Variants in NRL observed in about 807,000 individuals in gnomAD.
NRL encodes the protein neural retina-specific leucine zipper protein.
In NRL, 16 loss-of-function variants were observed where a neutral mutation model predicts 12.5. That is an observed-to-expected ratio of 1.28 (90% CI 0.87 to 1.95). The LOEUF is 1.95. NRL is among the 30% of genes most tolerant of loss of function. The probability of loss-of-function intolerance (pLI) is 0.00; values close to 1 mark genes in which losing one functional copy is unlikely to be tolerated. For missense variants in NRL, 314 were observed against 325.8 expected (o/e 0.96, Z 0.28); for synonymous variants, 142 against 150.9 (o/e 0.94, Z 0.43).
In NRL at chr14:24,111,736, G is replaced by A. The variant is rs547161593; in HGVS notation, c.-28+2986C>T. ...GCTTATCAGCTTAAGGAGATTTTGGGCTGAGACGATGGGGTTTTCTAGATA... is the reference window on the plus strand; with the variant it reads ...GCTTATCAGCTTAAGGAGATTTTGGACTGAGACGATGGGGTTTTCTAGATA... On this transcript the variant is annotated intron_variant, in intron 1 of 2. Coordinates refer to ENST00000561028, the MANE Select transcript of NRL (RefSeq NM_001354768.3). Among the ~76,000 whole-genome samples, 4 of 151,746 alleles carry A rather than the reference G, an allele frequency of 2.6e-5. No homozygotes were observed. In the East Asian group the frequency reaches 7.7e-4, roughly 29 times the overall value.
chr14:24,089,691 T>A (rs1379357060), intron 1 of NRL, among the ~76,000 whole-genome samples: 1 of 152,204 alleles, frequency 6.6e-6, no homozygotes, highest in Non-Finnish European at 1.5e-5. Flanking sequence ...CAGGGTGCTA[T>A]GAAATTTTCT....
At chr14:24,104,109 G>T in intron 1 of NRL, 2 of 626,854 alleles carry the variant, frequency 3.2e-6, no homozygotes, top group South Asian at 3.9e-5. Flanking sequence ...AATAATAAGA[G>T]ATGCTTATCT....
Position 24,081,372 on chromosome 14 carries a change from C to A in NRL, c.578G>T (p.Arg193Leu). The change falls in exon 3 of 3, where the codon CGC becomes CTC. Residue 193 changes from arginine (R) to leucine (L), a missense_variant. By Grantham distance (102) the Arg-to-Leu change is moderately radical. Transcript: ENST00000561028. The surrounding 1 kb of genome is among the most constrained non-coding windows in gnomAD (Gnocchi z 4.4). ...QRRGLEAERA[R>L]LAAQLDALRA... ...CAGCGCGTCCAGCTGGGCGGCCAGG[C>A]GGGCGCGCTCGGCCTCCAGCCCGCG... 7.0e-7 allele frequency: 1 copy of A among 1,429,400 alleles called. No individual in the cohort carries two copies. Among genetic ancestry groups the A allele is most frequent in the South Asian group, 1.5e-5 (1 of 66,330 alleles). 88.5% of individuals were successfully genotyped at this position (1,429,400 alleles called of 1,614,324 possible). A position where few individuals can be genotyped will look rare whatever the true frequency, so the allele number is the denominator to read the frequency against.
At position 24,099,590 on chromosome 14, in the gene NRL, G is replaced by A. The variant is rs149414275; in HGVS notation, c.-28+15132C>T. ...GCATCACCAGCCCTGCAGGGAAGAA[G>A]CGCTATGTGGCAGCCGCCTTCCCTA... On this transcript the variant is annotated intron_variant, in intron 1 of 2. Coordinates refer to ENST00000561028, the MANE Select transcript of NRL (RefSeq NM_001354768.3). 3.3e-4 allele frequency: 538 copies of A among 1,609,340 alleles called. 2 individuals carry two copies. The African/African-American group carries it at 6.4e-3, about 19-fold the overall frequency.
At chr14:24,096,850 T>G in intron 1 of NRL, 2 of 1,584,530 alleles carry the variant, frequency 1.3e-6, no homozygotes, top group Non-Finnish European at 1.7e-6. Context: ...TTGTCCACTC[T>G]CGATGACAGC....
At chr14:24,101,281 G>C (rs908629145) in intron 1 of NRL, among the ~76,000 whole-genome samples, 3 of 152,212 alleles carry the variant, frequency 2.0e-5, no homozygotes, top group African/African-American at 4.8e-5. Flanking sequence ...TTAGGATTCT[G>C]CACTGGGTGC....
intron 1 of NRL, among the ~76,000 whole-genome samples, chr14:24,083,166 C>T (rs113773764): frequency 3.9e-5 from 6 of 152,328 alleles, no homozygotes; most frequent in African/African-American, 1.4e-4. Context: ...AGCAGTATGG[C>T]AGTGCTCCCA....
intron 1 of NRL, among the ~76,000 whole-genome samples, chr14:24,113,329 G>GT (rs1374013807): frequency 1.4e-5 from 2 of 146,504 alleles, no homozygotes; most frequent in African/African-American, 5.2e-5. Context: ...GTATACATAT[G>GT]TAACTAACCT....
At chr14:24,108,461 C>T (rs574333609) in intron 1 of NRL, among the ~76,000 whole-genome samples, 1 of 151,892 alleles carries the variant, frequency 6.6e-6, no homozygotes, top group Non-Finnish European at 1.5e-5. Context: ...CCTCAGCCTC[C>T]CGAGTAGCTA....
At position 24,085,447 on chromosome 14, in the gene NRL, G is replaced by A. The variant is rs2036441756; in HGVS notation, c.-27-2572C>T. Among the ~76,000 whole-genome samples, 1 of 152,142 alleles carries A rather than the reference G, an allele frequency of 6.6e-6. No homozygotes were observed. Among genetic ancestry groups the A allele is most frequent in the Non-Finnish European group, 1.5e-5 (1 of 68,024 alleles). ...TCATTCTAGTTCCCAGATGGCTGAG[G>A]GGTGACCTACATTTTCAGCCTAATC... On this transcript the variant is annotated intron_variant, in intron 1 of 2. Transcript: ENST00000561028. The surrounding 1 kb of genome is among the most constrained non-coding windows in gnomAD (Gnocchi z 4.1).
At chr14:24,104,269 G>C (rs2037287885) in intron 1 of NRL, 1 of 375,424 alleles carries the variant, frequency 2.7e-6, no homozygotes, top group Non-Finnish European at 5.0e-6. Flanking sequence ...CTCTAGCACT[G>C]GGTCACAGAC....
chr14:24,100,075 A>G (rs948281414), intron 1 of NRL: 1 of 1,612,930 alleles, frequency 6.2e-7, no homozygotes, highest in East Asian at 2.2e-5. Flanking sequence ...TCCCAACGCC[A>G]TGGCTACAAT....
chr14:24,094,099 G>C lies in NRL; in HGVS notation c.-27-11224C>G. 1.9e-6 allele frequency: 1 copy of C among 534,310 alleles called. No homozygotes were observed. Among genetic ancestry groups the C allele is most frequent in the Non-Finnish European group, 3.3e-6 (1 of 305,166 alleles). 33.1% of individuals were successfully genotyped at this position (534,310 alleles called of 1,614,324 possible). A position where few individuals can be genotyped will look rare whatever the true frequency, so the allele number is the denominator to read the frequency against. On this transcript the variant is annotated intron_variant, in intron 1 of 2. Coordinates refer to ENST00000561028, the MANE Select transcript of NRL (RefSeq NM_001354768.3). This position sits in a 1 kb window ranked among gnomAD's most constrained non-coding sequence, Gnocchi z 4.1. ...GGGCGGGGCCTCGAAGTCGGGGGCC[G>C]AAGAGTGGACCCAGTCCTCCAATGG...
chr14:24,098,920 G>A, intron 1 of NRL: 1 of 773,502 alleles, frequency 1.3e-6, no homozygotes. Context: ...ATGAGGTGGG[G>A]GGCTTCAGCC....
intron 1 of NRL, among the ~76,000 whole-genome samples, chr14:24,088,274 T>C (rs1277663791): frequency 6.6e-6 from 1 of 152,242 alleles, no homozygotes; most frequent in African/African-American, 2.4e-5. Flanking sequence ...TTCCCTGGGT[T>C]TGCCCTCCCA....
In NRL at chr14:24,080,991, G is replaced by C; in HGVS notation, c.*245C>G. On this transcript the variant is annotated 3_prime_UTR_variant, in exon 3 of 3. Coordinates refer to ENST00000561028, the MANE Select transcript of NRL (RefSeq NM_001354768.3). ...GGCACTGGTCCCTGCAGAGCTCAGCGTGCTAGTCATGTGGGCTGGGTTTCT... is the reference window on the plus strand; with the variant it reads ...GGCACTGGTCCCTGCAGAGCTCAGCCTGCTAGTCATGTGGGCTGGGTTTCT... 1 of 379,504 alleles carries C rather than the reference G, an allele frequency of 2.6e-6. No individual in the cohort carries two copies. Among genetic ancestry groups the C allele is most frequent in the Non-Finnish European group, 4.6e-6 (1 of 215,156 alleles). The allele number at this position is 379,504 out of a possible 1,614,324, so 23.5% of individuals were successfully genotyped here. A position where few individuals can be genotyped will look rare whatever the true frequency, so the allele number is the denominator to read the frequency against.
intron 1 of NRL, among the ~76,000 whole-genome samples, chr14:24,101,739 T>A (rs2037168892): frequency 6.6e-6 from 1 of 151,848 alleles, no homozygotes. Context: ...CCTGGCAACA[T>A]GGCAAAACCC....
intron 1 of NRL, among the ~76,000 whole-genome samples, chr14:24,097,679 C>T (rs1430397051): frequency 6.6e-6 from 1 of 151,594 alleles, no homozygotes; most frequent in Non-Finnish European, 1.5e-5. Flanking sequence ...CCTCTGCCTC[C>T]GGGGAATTGT....
chr14:24,097,177 G>A (rs1255693731), intron 1 of NRL: 1 of 1,599,962 alleles, frequency 6.3e-7, no homozygotes, highest in East Asian at 2.2e-5. Context: ...TAGGTGCACT[G>A]AGGCCACTTT....
Sources: allele counts gnomAD v4.1 joint callset (sites outside exome capture counted in the v4.1 genomes callset), GRCh38; gene constraint gnomAD v4.1.1; non-coding constraint Gnocchi (gnomAD v3.1); transcripts MANE v1.5; gene names NCBI Gene and HGNC (gene_info 2026-07-23, HGNC 2026-07-21).